Variants in TSHZ3 observed in about 807,000 individuals in gnomAD.
The protein encoded by TSHZ3 is teashirt zinc finger homeobox 3.
In TSHZ3, 10 loss-of-function variants were observed where a neutral mutation model predicts 64.5. That is an observed-to-expected ratio of 0.16 (90% CI 0.10 to 0.26). TSHZ3 has a LOEUF of 0.26. Ranked by LOEUF, TSHZ3 falls within the 10% of genes least tolerant of loss-of-function variation. The pLI is 1.00. For missense variants in TSHZ3, 1,242 were observed against 1,421.7 expected, an observed-to-expected ratio of 0.87 and a Z score of 2.03; for synonymous variants, 608 against 593.1, an observed-to-expected ratio of 1.03 and a Z score of -0.36.
intron 5 of TSHZ3, among the ~76,000 whole-genome samples, chr19:31,170,381 T>G (rs1460158149): frequency 1.3e-5 from 2 of 152,162 alleles, no homozygotes; most frequent in African/African-American, 2.4e-5. Flanking sequence ...TATCTAAACC[T>G]AATCGCCTCA....
chr19:31,215,333 C>T (rs1336229633), intron 4 of TSHZ3, among the ~76,000 whole-genome samples: 1 of 152,086 alleles, frequency 6.6e-6, no homozygotes, highest in Non-Finnish European at 1.5e-5. Context: ...AAGCATCTGT[C>T]CACAGAGCAC....
At chr19:31,222,411 C>T (rs546165297) in intron 4 of TSHZ3, among the ~76,000 whole-genome samples, 1 of 152,264 alleles carries the variant, frequency 6.6e-6, no homozygotes, top group South Asian at 2.1e-4. Flanking sequence ...TGAAAAGAGA[C>T]AAGTAGGACT....
chr19:31,203,358 A>G (rs895993699), intron 5 of TSHZ3, among the ~76,000 whole-genome samples: 2 of 152,148 alleles, frequency 1.3e-5, no homozygotes, highest in Non-Finnish European at 2.9e-5. Context: ...TAGGCAGGGC[A>G]TTGGGTGGAT....
At chr19:31,327,736 G>A (rs569071736) in intron 1 of TSHZ3, among the ~76,000 whole-genome samples, 4 of 152,142 alleles carry the variant, frequency 2.6e-5, no homozygotes, top group African/African-American at 7.2e-5. Flanking sequence ...TAGTATGAAG[G>A]CAATTTGTAT....
At chr19:31,349,944 C>A (rs1343047190), upstream of TSHZ3, among the ~76,000 whole-genome samples, 2 of 147,260 alleles carry the variant, frequency 1.4e-5, no homozygotes, top group African/African-American at 4.9e-5. Flanking sequence ...ACCCCCGCCC[C>A]GCCAGCGAAA....
chr19:31,292,729 C>CCCAT lies in TSHZ3; in HGVS notation c.41-12981_41-12978dup, dbSNP rs71173957. Among the ~76,000 whole-genome samples the CCCAT allele has an allele frequency of 3.2e-3, 469 of 148,046 alleles. 4 individuals carry two copies. Among genetic ancestry groups the CCCAT allele is most frequent in the Admixed American group, 0.011 (162 of 14,944 alleles). On this transcript the variant is annotated intron_variant, in intron 1 of 1. Coordinates refer to ENST00000240587, the MANE Select transcript of TSHZ3 (RefSeq NM_020856.4). ...AACCTATCCATCCAAAACCCATCCA[C>CCCAT]CCATCCATCCATCCATCCATCCATC...
At chr19:31,342,384 G>A (rs1490215011) in intron 1 of TSHZ3, among the ~76,000 whole-genome samples, 2 of 152,136 alleles carry the variant, frequency 1.3e-5, no homozygotes, top group Non-Finnish European at 2.9e-5. Flanking sequence ...TGGTGATAGT[G>A]GACATATAAA....
intron 1 of TSHZ3, among the ~76,000 whole-genome samples, chr19:31,262,993 G>T (rs915810559): frequency 4.9e-4 from 75 of 152,346 alleles, no homozygotes; most frequent in African/African-American, 1.7e-3. Flanking sequence ...AAACCCAGAT[G>T]AAATTAATTT....
At chr19:31,196,752 CA>C (rs1235821263) in intron 5 of TSHZ3, among the ~76,000 whole-genome samples, 1 of 151,856 alleles carries the variant, frequency 6.6e-6, no homozygotes, top group East Asian at 1.9e-4. Flanking sequence ...GTCAATTCTC[CA>C]AGAAGGCATA....
intron 5 of TSHZ3, among the ~76,000 whole-genome samples, chr19:31,158,912 TG>T (rs1568332728): frequency 1.3e-5 from 2 of 152,166 alleles, no homozygotes; most frequent in African/African-American, 4.8e-5. Context: ...ATGCAAGCAA[TG>T]GGGAGTGGCT....
At chr19:31,211,667 C>A (rs187918844) in intron 4 of TSHZ3, among the ~76,000 whole-genome samples, 122 of 152,298 alleles carry the variant, frequency 8.0e-4, no homozygotes, top group South Asian at 1.7e-3. Context: ...AAAAGAGATT[C>A]AGTGGCAAAG....
chr19:31,283,143 G>A (rs968625482), intron 1 of TSHZ3, among the ~76,000 whole-genome samples: 2 of 152,034 alleles, frequency 1.3e-5, no homozygotes, highest in Non-Finnish European at 1.5e-5. Flanking sequence ...GACCACCTTC[G>A]GCAACATGGT....
chr19:31,186,321 G>A (rs954857278), intron 5 of TSHZ3, among the ~76,000 whole-genome samples: 1 of 152,176 alleles, frequency 6.6e-6, no homozygotes, highest in Admixed American at 6.5e-5. Context: ...TCACGGGAAG[G>A]ACCTGGTGGA....
intron 1 of TSHZ3, among the ~76,000 whole-genome samples, chr19:31,290,353 G>A (rs976092893): frequency 6.6e-6 from 1 of 152,136 alleles, no homozygotes; most frequent in Admixed American, 6.5e-5. Flanking sequence ...AAGCAACAGT[G>A]TGAAGGCAGG....
chr19:31,282,097 GAC>G (rs1215268206), intron 1 of TSHZ3, among the ~76,000 whole-genome samples: 1 of 152,176 alleles, frequency 6.6e-6, no homozygotes, highest in Non-Finnish European at 1.5e-5. Context: ...GGTTTAGCTA[GAC>G]ACAGCCCACT....
intron 5 of TSHZ3, among the ~76,000 whole-genome samples, chr19:31,169,644 A>G (rs144054404): frequency 5.1e-4 from 77 of 152,240 alleles, no homozygotes; most frequent in African/African-American, 1.5e-3. Flanking sequence ...TTCTACCACA[A>G]TGAAAAAAAA....
At chr19:31,328,576 G>A (rs1916990032) in intron 1 of TSHZ3, among the ~76,000 whole-genome samples, 1 of 152,240 alleles carries the variant, frequency 6.6e-6, no homozygotes, top group Non-Finnish European at 1.5e-5. Context: ...GAAGTTCTGA[G>A]AACATCTTAT....
At chr19:31,247,105 T>A (rs1975766267) in intron 1 of TSHZ3, among the ~76,000 whole-genome samples, 1 of 152,146 alleles carries the variant, frequency 6.6e-6, no homozygotes, top group Non-Finnish European at 1.5e-5. Flanking sequence ...AATACTATAA[T>A]TAGAAAAATT....
chr19:31,230,198 G>C (rs998957623), intron 3 of TSHZ3, among the ~76,000 whole-genome samples: 5 of 151,934 alleles, frequency 3.3e-5, no homozygotes, highest in African/African-American at 1.2e-4. Context: ...ATAATCCAAG[G>C]TCATAAAAAA....
Sources: allele counts gnomAD v4.1 joint callset (sites outside exome capture counted in the v4.1 genomes callset), GRCh38; gene constraint gnomAD v4.1.1; transcripts MANE v1.5; gene names NCBI Gene and HGNC (gene_info 2026-07-23, HGNC 2026-07-21).